WDPCP: variants seen among roughly 807,000 people sequenced by gnomAD.
The protein encoded by WDPCP is WD repeat-containing and planar cell polarity effector protein fritz homolog.
Under a neutral mutation model 93.1 loss-of-function variants are expected in WDPCP, and 71 were observed. The ratio of observed to expected loss-of-function variants is 0.76; its 90% CI spans 0.63 to 0.93. WDPCP has a LOEUF of 0.93. Among genes scored for constraint, WDPCP ranks in the 40% least tolerant of loss-of-function variants. The probability of loss-of-function intolerance (pLI) is 0.00; values close to 1 mark genes in which losing one functional copy is unlikely to be tolerated. For missense variants in WDPCP, 844 were observed against 887.4 expected (o/e 0.95, Z 0.62); for synonymous variants, 315 against 315.0 (o/e 1.00, Z 0.00).
chr2:63,595,599 C>A, intron 3 of WDPCP: 1 of 831,074 alleles, frequency 1.2e-6, no homozygotes, highest in African/African-American at 1.7e-5. Flanking sequence ...GTTAAAGGCT[C>A]TCAATTAGAA....
intron 15 of WDPCP, among the ~76,000 whole-genome samples, chr2:63,159,165 CTTT>C (rs535671874): frequency 8.0e-6 from 1 of 124,370 alleles, no homozygotes; most frequent in African/African-American, 3.0e-5. Flanking sequence ...CAAAAAAAAA[CTTT>C]TTTTTTTTTT....
intron 9 of WDPCP, among the ~76,000 whole-genome samples, chr2:63,408,611 C>A (rs1257335321): frequency 3.9e-5 from 6 of 152,136 alleles, no homozygotes; most frequent in African/African-American, 1.4e-4. Context: ...GGGGGAGAAG[C>A]AAGCCCTTTT....
intron 2 of WDPCP, among the ~76,000 whole-genome samples, chr2:63,730,599 G>A (rs1669548078): frequency 1.3e-5 from 2 of 152,080 alleles, no homozygotes; most frequent in Admixed American, 1.3e-4. Context: ...GAGTAGCTGG[G>A]ATTACAGGTG....
intron 2 of WDPCP, among the ~76,000 whole-genome samples, chr2:63,657,565 A>T (rs1004497061): frequency 2.0e-5 from 3 of 152,074 alleles, no homozygotes; most frequent in Non-Finnish European, 2.9e-5. Context: ...TAGACTGGGG[A>T]AGAGGAATAT....
At chr2:63,411,344 G>A (rs1695007195) in intron 9 of WDPCP, among the ~76,000 whole-genome samples, 1 of 151,996 alleles carries the variant, frequency 6.6e-6, no homozygotes, top group Non-Finnish European at 1.5e-5. Context: ...GAACAACAAT[G>A]ACACAACCTA....
intron 14 of WDPCP, among the ~76,000 whole-genome samples, chr2:63,208,448 CT>C (rs1310980978): frequency 1.3e-5 from 2 of 152,054 alleles, no homozygotes; most frequent in Non-Finnish European, 2.9e-5. Flanking sequence ...ATTCTTTTTC[CT>C]TTTCCCCCAT....
At chr2:63,463,010 G>T (rs1699121069) in intron 6 of WDPCP, among the ~76,000 whole-genome samples, 5 of 152,134 alleles carry the variant, frequency 3.3e-5, no homozygotes, top group Admixed American at 2.6e-4. Context: ...CATGGAAGCT[G>T]TGGTTATAAA....
chr2:63,553,544 T>C (rs1332111167), intron 1 of WDPCP, among the ~76,000 whole-genome samples: 1 of 152,168 alleles, frequency 6.6e-6, no homozygotes, highest in Non-Finnish European at 1.5e-5. Flanking sequence ...ACATGTCTCA[T>C]GTTGACCTCA....
intron 3 of WDPCP, among the ~76,000 whole-genome samples, chr2:63,637,570 GACAA>G (rs749159950): frequency 6.6e-6 from 1 of 151,572 alleles, no homozygotes; most frequent in African/African-American, 2.4e-5. Flanking sequence ...AAAACAAACA[GACAA>G]ACAAAAAAAC....
intron 3 of WDPCP, among the ~76,000 whole-genome samples, chr2:63,648,474 T>C (rs1322573435): frequency 6.6e-6 from 1 of 152,216 alleles, no homozygotes; most frequent in East Asian, 1.9e-4. Flanking sequence ...TGTGTAATTA[T>C]TACCACCACA....
intron 12 of WDPCP, among the ~76,000 whole-genome samples, chr2:63,371,166 G>C (rs1356165702): frequency 6.6e-6 from 1 of 152,010 alleles, no homozygotes; most frequent in Admixed American, 6.6e-5. Flanking sequence ...TAACAATTTT[G>C]TTTTTCCAAT....
At chr2:63,226,311 T>C (rs1678284569) in intron 14 of WDPCP, among the ~76,000 whole-genome samples, 1 of 151,904 alleles carries the variant, frequency 6.6e-6, no homozygotes, top group African/African-American at 2.4e-5. Context: ...AATTGCCATA[T>C]ATTTTCCTTT....
chr2:63,159,288 C>T (rs1318692232), intron 15 of WDPCP, among the ~76,000 whole-genome samples: 1 of 148,246 alleles, frequency 6.7e-6, no homozygotes, highest in African/African-American at 2.5e-5. Context: ...GATGAGGTGT[C>T]ACTAGTTGCC....
At position 63,144,712 on chromosome 2, in the gene WDPCP, C is replaced by A. The variant is rs570690177; in HGVS notation, c.2190+8202G>T. Among the ~76,000 whole-genome samples, 147 of 152,310 alleles carry A rather than the reference C, an allele frequency of 9.7e-4. No individual in the cohort carries two copies. The Middle Eastern group carries it at 0.017, about 18-fold the overall frequency. On this transcript the variant is annotated intron_variant, in intron 17 of 17. Coordinates refer to ENST00000272321, the MANE Select transcript of WDPCP (RefSeq NM_015910.7). ...TGGGCTTCACCTTTCTCTAGTCCAT[C>A]CCTCTTTAGCTTAATAACTAACCTC... is the stretch of plus-strand genomic sequence containing the variant.
chr2:63,621,889 T>TA (rs1230848881), intron 3 of WDPCP, among the ~76,000 whole-genome samples: 1 of 140,672 alleles, frequency 7.1e-6, no homozygotes, highest in Non-Finnish European at 1.5e-5. Context: ...TTTTTTTTTT[T>TA]ATTATACTTT....
chr2:63,491,640 G>A lies in WDPCP; in HGVS notation c.160+1216C>T, dbSNP rs748658199. Among the ~76,000 whole-genome samples the A allele has an allele frequency of 7.9e-5, 12 of 152,262 alleles. No homozygotes were observed. The Middle Eastern group carries it at 0.027, about 345-fold the overall frequency. On this transcript the variant is annotated intron_variant, in intron 2 of 17. Transcript: ENST00000272321. The stretch of plus-strand genomic sequence containing the variant: ...GTGCCTGTTTTCAGTTCAGCAGGTC[G>A]TCTTCTACTGCCCCTGGTGTTCCCA...
Position 63,588,392 on chromosome 2 carries a change from A to C in WDPCP, c.-121T>G. The C allele has an allele frequency of 8.4e-7, 1 of 1,191,556 alleles. No individual in the cohort carries two copies. Among genetic ancestry groups the C allele is most frequent in the Non-Finnish European group, 1.2e-6 (1 of 819,236 alleles). The allele number at this position is 1,191,556 out of a possible 1,614,324, so 73.8% of individuals were successfully genotyped here. The stretch of plus-strand genomic sequence containing the variant: ...CCGCCGCCGCCGCCACAGTTTCCTC[A>C]GGTGCTACAAAGCAGCCAGGGTGTG... On this transcript the variant is annotated 5_prime_UTR_variant, in exon 1 of 18. Coordinates refer to ENST00000272321, the MANE Select transcript of WDPCP (RefSeq NM_015910.7).
intron 2 of WDPCP, among the ~76,000 whole-genome samples, chr2:63,771,212 A>C (rs1297751591): frequency 2.0e-5 from 3 of 151,878 alleles, no homozygotes; most frequent in South Asian, 4.1e-4. Context: ...GAGAATGAAA[A>C]GGAGATATCA....
At chr2:63,472,670 C>T (rs1161075094) in intron 6 of WDPCP, among the ~76,000 whole-genome samples, 1 of 152,116 alleles carries the variant, frequency 6.6e-6, no homozygotes, top group Non-Finnish European at 1.5e-5. Flanking sequence ...CTCACTGCAA[C>T]CTTCGCCTCC....
Sources: gnomAD v4.1 joint callset for allele counts (sites outside exome capture counted in the v4.1 genomes callset) on GRCh38, gnomAD v4.1.1 for gene constraint, MANE v1.5 for transcripts, NCBI Gene and HGNC (gene_info 2026-07-23, HGNC 2026-07-21) for gene names.